The following SUPT3H variants were observed in gnomAD, a reference collection of about 807,000 sequenced individuals.
SUPT3H encodes the protein transcription initiation protein SPT3 homolog.
Under a neutral mutation model 44.3 loss-of-function variants are expected in SUPT3H, and 44 were observed. That is an observed-to-expected ratio of 0.99 (90% CI 0.78 to 1.28). The LOEUF (loss-of-function observed/expected upper bound fraction) is 1.28. Ranked by LOEUF, SUPT3H falls within the 50% of genes most tolerant of loss-of-function variation. SUPT3H has a pLI of 0.00. For synonymous variants in SUPT3H, 124 were observed against 125.6 expected, an observed-to-expected ratio of 0.99 and a Z score of 0.09; for missense variants, 380 against 387.1, an observed-to-expected ratio of 0.98 and a Z score of 0.15.
intron 7 of SUPT3H, among the ~76,000 whole-genome samples, chr6:44,956,260 A>G (rs1214077563): frequency 3.3e-5 from 5 of 151,726 alleles, no homozygotes; most frequent in Admixed American, 3.3e-4. Flanking sequence ...CAAGGTGGGC[A>G]GATCACGAGG....
intron 3 of SUPT3H, among the ~76,000 whole-genome samples, chr6:45,061,060 C>A (rs1488144396): frequency 6.6e-6 from 1 of 152,058 alleles, no homozygotes; most frequent in Non-Finnish European, 1.5e-5. Context: ...GATCAAGAAG[C>A]AGAAACACCA....
intron 2 of SUPT3H, among the ~76,000 whole-genome samples, chr6:45,292,927 T>C (rs1182757574): frequency 6.6e-6 from 1 of 151,400 alleles, no homozygotes; most frequent in Admixed American, 6.6e-5. Context: ...AGATAGGTCA[T>C]TAAGACAGAA....
chr6:45,165,767 AAAGAC>A (rs1809741188), intron 2 of SUPT3H, among the ~76,000 whole-genome samples: 1 of 152,192 alleles, frequency 6.6e-6, no homozygotes, highest in South Asian at 2.1e-4. Context: ...CCAAAAACAT[AAAGAC>A]AAGTGAACAA....
intron 2 of SUPT3H, among the ~76,000 whole-genome samples, chr6:45,260,505 T>C (rs1310840629): frequency 3.3e-5 from 5 of 152,180 alleles, no homozygotes; most frequent in African/African-American, 1.2e-4. Flanking sequence ...GCATTGCTGA[T>C]TGAATGATAA....
intron 3 of SUPT3H, among the ~76,000 whole-genome samples, chr6:45,050,032 C>G (rs1298497675): frequency 6.6e-6 from 1 of 152,148 alleles, no homozygotes; most frequent in Non-Finnish European, 1.5e-5. Context: ...TATGAAACCC[C>G]TTACCATGAA....
At chr6:44,998,478 C>T (rs573309711) in intron 6 of SUPT3H, among the ~76,000 whole-genome samples, 57 of 151,908 alleles carry the variant, frequency 3.8e-4, no homozygotes, top group Middle Eastern at 3.4e-3. Context: ...AAAGTAATTG[C>T]GGTTTTTGCC....
intron 11 of SUPT3H, among the ~76,000 whole-genome samples, chr6:44,813,857 G>A (rs1766720378): frequency 6.6e-6 from 1 of 151,866 alleles, no homozygotes; most frequent in African/African-American, 2.4e-5. Context: ...GACATATAAT[G>A]TATGGTTAAA....
intron 2 of SUPT3H, among the ~76,000 whole-genome samples, chr6:45,196,258 A>G (rs188756737): frequency 2.0e-5 from 3 of 152,156 alleles, no homozygotes; most frequent in Admixed American, 2.0e-4. Flanking sequence ...ATTTTTTTAG[A>G]CCATAGCACC....
chr6:45,014,517 A>G (rs1344127824), intron 5 of SUPT3H, among the ~76,000 whole-genome samples: 3 of 152,146 alleles, frequency 2.0e-5, no homozygotes, highest in Non-Finnish European at 4.4e-5. Context: ...GTTTTACTCT[A>G]AGTCTGCATT....
chr6:45,331,935 C>T lies in SUPT3H; in HGVS notation c.101+33266G>A, dbSNP rs548740115. 3.3e-5 allele frequency among the ~76,000 whole-genome samples: 5 copies of T among 152,022 alleles called. No individual in the cohort carries two copies. In the East Asian group the frequency reaches 9.7e-4, roughly 29 times the overall value. On this transcript the variant is annotated intron_variant, in intron 2 of 10. Transcript: ENST00000371459. The stretch of plus-strand genomic sequence containing the variant: ...GAAATGTTCCAGTTTGTTAAAAGAA[C>T]ACTGAAATATTTGATGGTTAAATAA...
chr6:44,928,894 A>AAAAAAAAAAAAAAAAAAAAAAAAAC (rs1770030867), intron 10 of SUPT3H, among the ~76,000 whole-genome samples: 1 of 135,816 alleles, frequency 7.4e-6, no homozygotes, highest in Non-Finnish European at 1.6e-5. Context: ...AAAAAAAAAA[A>AAAAAAAAAAAAAAAAAAAAAAAAAC]AAAAAAAAAA....
intron 10 of SUPT3H, among the ~76,000 whole-genome samples, chr6:44,836,898 C>G (rs1223639264): frequency 6.6e-6 from 1 of 152,088 alleles, no homozygotes; most frequent in Non-Finnish European, 1.5e-5. Context: ...AGTAACTTAA[C>G]ACCAATAATA....
At chr6:45,084,817 T>C (rs546433560) in intron 3 of SUPT3H, among the ~76,000 whole-genome samples, 2 of 152,350 alleles carry the variant, frequency 1.3e-5, no homozygotes, top group East Asian at 1.9e-4. Context: ...TGCAGAAACA[T>C]TGATATAGCT....
intron 3 of SUPT3H, among the ~76,000 whole-genome samples, chr6:45,026,395 T>A (rs1490973415): frequency 6.7e-6 from 1 of 149,270 alleles, no homozygotes; most frequent in African/African-American, 2.5e-5. Context: ...GTTTCTCTTT[T>A]ATTTGAAATG....
At chr6:45,026,555 A>G (rs918825880) in intron 3 of SUPT3H, among the ~76,000 whole-genome samples, 2 of 152,126 alleles carry the variant, frequency 1.3e-5, no homozygotes, top group African/African-American at 4.8e-5. Context: ...AAATATATAA[A>G]ACATTAAAAG....
chr6:45,194,663 C>T (rs1165977850), intron 2 of SUPT3H, among the ~76,000 whole-genome samples: 2 of 151,982 alleles, frequency 1.3e-5, no homozygotes, highest in African/African-American at 4.8e-5. Flanking sequence ...TCTAAAGTGG[C>T]ATCAAGGTTA....
Position 45,003,770 on chromosome 6 carries a change from A to C in SUPT3H, c.387T>G (p.Asn129Lys). The C allele has an allele frequency of 1.2e-6, 2 of 1,613,782 alleles. No homozygotes were observed. Among genetic ancestry groups the C allele is most frequent in the Non-Finnish European group, 1.7e-6 (2 of 1,179,804 alleles). Residue 129 changes from asparagine to lysine, a missense_variant, in exon 6 of 11, where the codon AAT (asparagine) becomes AAG (lysine). By Grantham distance (94) the Asn-to-Lys change is moderately conservative. Transcript: ENST00000371459. ...LLEDKLSGSN[N>K]ANKRQKIAQD... ...GAGCAATCTTTTGTCTTTTGTTCGC[A>C]TTATTGCTGCCACTCAATTTGTCTT...
chr6:45,273,302 C>A (rs886635251), intron 2 of SUPT3H, among the ~76,000 whole-genome samples: 1 of 152,112 alleles, frequency 6.6e-6, no homozygotes, highest in African/African-American at 2.4e-5. Flanking sequence ...TCGCCTCATC[C>A]CTTCATGAAA....
At chr6:44,981,862 A>G (rs1461411006) in intron 6 of SUPT3H, among the ~76,000 whole-genome samples, 2 of 133,796 alleles carry the variant, frequency 1.5e-5, no homozygotes, top group Admixed American at 7.5e-5. Flanking sequence ...CCATCTCTAC[A>G]TGACATGAAA....
Sources: allele counts gnomAD v4.1 joint callset (sites outside exome capture counted in the v4.1 genomes callset), GRCh38; gene constraint gnomAD v4.1.1; transcripts MANE v1.5; gene names NCBI Gene and HGNC (gene_info 2026-07-23, HGNC 2026-07-21).